The following EGFR variants were observed in gnomAD, a reference collection of about 807,000 sequenced individuals.
EGFR encodes the protein epidermal growth factor receptor.
A neutral mutation model predicts 143.0 loss-of-function variants in EGFR; 58 were observed. That is an observed-to-expected ratio of 0.41 (90% CI 0.33 to 0.50). The LOEUF (loss-of-function observed/expected upper bound fraction) is 0.50, where lower values mean the gene tolerates loss of function less well. EGFR is among the 20% of genes least tolerant of loss of function. The probability of loss-of-function intolerance (pLI) is 0.39; values close to 1 mark genes in which losing one functional copy is unlikely to be tolerated. For synonymous variants in EGFR, 613 were observed against 594.4 expected, an observed-to-expected ratio of 1.03 and a Z score of -0.45; for missense variants, 1,307 against 1,579.0, an observed-to-expected ratio of 0.83 and a Z score of 2.92.
rs1321440646 is a variant in EGFR, at chr7:55,210,151, TG to T, written c.*4535del. On this transcript the variant is annotated 3_prime_UTR_variant, in exon 28 of 28. Coordinates refer to ENST00000275493, the MANE Select transcript of EGFR (RefSeq NM_005228.5). ...AGTTGCATGCCATACTCTCATCATC[TG>T]CCAGTGTAACCCTGTACATGTAAGA... The T allele has an allele frequency of 6.6e-6, 1 of 152,276 alleles. No individual in the cohort carries two copies. Among genetic ancestry groups the T allele is most frequent in the African/African-American group, 2.4e-5 (1 of 41,476 alleles). The allele number at this position is 152,276 out of a possible 1,614,324, so 9.4% of individuals were successfully genotyped here.
chr7:55,045,218 G>C (rs558177388), intron 1 of EGFR, among the ~76,000 whole-genome samples: 1 of 152,272 alleles, frequency 6.6e-6, no homozygotes, highest in African/African-American at 2.4e-5. Context: ...ACTTCACTAA[G>C]ATTTAATAAA....
At chr7:55,044,465 G>A (rs1162780110) in intron 1 of EGFR, among the ~76,000 whole-genome samples, 1 of 152,200 alleles carries the variant, frequency 6.6e-6, no homozygotes, top group Non-Finnish European at 1.5e-5. Context: ...CTTCTGCCAG[G>A]CAGAGGTCAC....
chr7:55,023,667 A>AC (rs1382226153), intron 1 of EGFR, among the ~76,000 whole-genome samples: 2 of 151,878 alleles, frequency 1.3e-5, no homozygotes, highest in African/African-American at 4.8e-5. Flanking sequence ...AAAAAAAAAA[A>AC]AACAGATTCT....
chr7:55,071,548 C>T, intron 1 of EGFR, among the ~76,000 whole-genome samples: 1 of 152,250 alleles, frequency 6.6e-6, no homozygotes. Context: ...CCTTCACTGG[C>T]AGAATTGTGA....
chr7:55,088,054 A>AACACAC (rs3063038), intron 1 of EGFR, among the ~76,000 whole-genome samples: 139 of 150,750 alleles, frequency 9.2e-4, no homozygotes, highest in African/African-American at 2.2e-3. Flanking sequence ...TCAGGGTATA[A>AACACAC]ACACACACAC....
intron 1 of EGFR, among the ~76,000 whole-genome samples, chr7:55,135,405 G>T (rs6964647): frequency 0.085 from 12,890 of 151,882 alleles, 679 homozygotes; most frequent in Middle Eastern, 0.17. Context: ...GACTTTTTGA[G>T]TATCACATGT....
intron 6 of EGFR, 36 bp from the exon 7 acceptor site, chr7:55,153,975 A>G (rs750147123): frequency 6.2e-7 from 1 of 1,613,996 alleles, no homozygotes; most frequent in Non-Finnish European, 8.5e-7. Flanking sequence ...GAGTGTACTT[A>G]CCTCACTTGC....
intron 1 of EGFR, among the ~76,000 whole-genome samples, chr7:55,076,647 C>T (rs564384785): frequency 6.6e-6 from 1 of 152,292 alleles, no homozygotes; most frequent in South Asian, 2.1e-4. Context: ...TTTCAATGCT[C>T]ATTGCAATGA....
rs190437088 is a variant in EGFR, at chr7:55,070,388, T to A, written c.88+51023T>A. ...CTTTCATGCCTCAGCAAACCTCCAC[T>A]GCCTAAAATATAGTGAGGTCATTCA... On this transcript the variant is annotated intron_variant, in intron 1 of 27. Coordinates refer to ENST00000275493, the MANE Select transcript of EGFR (RefSeq NM_005228.5). Among the ~76,000 whole-genome samples, 3 of 152,348 alleles carry A rather than the reference T, an allele frequency of 2.0e-5. No individual in the cohort carries two copies. In the East Asian group the frequency reaches 5.8e-4, roughly 29 times the overall value.
intron 1 of EGFR, among the ~76,000 whole-genome samples, chr7:55,096,461 G>A (rs992038250): frequency 3.9e-5 from 6 of 152,108 alleles, no homozygotes; most frequent in South Asian, 2.1e-4. Flanking sequence ...CTATCTTTTC[G>A]GCTGCCTTGT....
chr7:55,173,698 A>C (rs796954167), intron 17 of EGFR, among the ~76,000 whole-genome samples: 17 of 152,390 alleles, frequency 1.1e-4, no homozygotes, highest in African/African-American at 4.1e-4. Context: ...GTAGCTGTTC[A>C]GTTAAAGAAC....
chr7:55,140,435 G>A (rs1794395758), intron 1 of EGFR, among the ~76,000 whole-genome samples: 1 of 152,166 alleles, frequency 6.6e-6, no homozygotes, highest in Non-Finnish European at 1.5e-5. Flanking sequence ...GAGAGTTAGA[G>A]GCCATAGTCT....
rs367750834 is a variant in EGFR at position 55,202,585 on chromosome 7, G to A, written c.3231G>A (p.Leu1077=). The change falls in exon 27 of 28, where the codon TTG becomes TTA. Residue 1077 remains leucine, a synonymous_variant. Coordinates refer to ENST00000275493, the MANE Select transcript of EGFR (RefSeq NM_005228.5). ...QRYSSDPTGA[L]TEDSIDDTFL... ...ACAGCTCAGACCCCACAGGCGCCTT[G>A]ACTGAGGACAGCATAGACGACACCT... The A allele has an allele frequency of 2.5e-6, 4 of 1,613,424 alleles. No individual in the cohort carries two copies. The African/African-American group carries it at 5.3e-5, about 22-fold the overall frequency.
At chr7:55,204,700 T>G (rs1417289569) in intron 27 of EGFR, among the ~76,000 whole-genome samples, 3 of 88,546 alleles carry the variant, frequency 3.4e-5, no homozygotes, top group Admixed American at 1.3e-4. Context: ...CAGACACACA[T>G]AGACACACCA....
chr7:55,155,771 G>T (rs890783674), intron 7 of EGFR, 59 bp from the exon 8 acceptor site: 1 of 1,409,076 alleles, frequency 7.1e-7, no homozygotes. Context: ...GACCGCCTGT[G>T]TGAGGCCCGA....
chr7:55,023,203 G>A (rs1786673728), intron 1 of EGFR, among the ~76,000 whole-genome samples: 1 of 152,192 alleles, frequency 6.6e-6, no homozygotes, highest in Admixed American at 6.5e-5. Context: ...CTGTGTGTCT[G>A]TGTGTGCGTG....
At chr7:55,099,338 A>G (rs913867779) in intron 1 of EGFR, among the ~76,000 whole-genome samples, 9 of 152,160 alleles carry the variant, frequency 5.9e-5, no homozygotes, top group Non-Finnish European at 1.3e-4. Flanking sequence ...ATTTTAGACC[A>G]TGAGATGGGT....
chr7:55,122,277 A>C (rs1793253173), intron 1 of EGFR, among the ~76,000 whole-genome samples: 2 of 152,164 alleles, frequency 1.3e-5, no homozygotes, highest in Admixed American at 6.5e-5. Context: ...GGCAGCTCCC[A>C]TCTGGTCTCA....
rs1788164169 is a variant in EGFR at position 55,208,542 on chromosome 7, C to G, written c.*2925C>G. On this transcript the variant is annotated 3_prime_UTR_variant, in exon 28 of 28. Coordinates refer to ENST00000275493, the MANE Select transcript of EGFR (RefSeq NM_005228.5). The stretch of plus-strand genomic sequence containing the variant: ...ATAGGTGCCGCCAGCCTTCGTGCAT[C>G]TTCTTGCATCATCTCTAAGGAGCTC... The G allele has an allele frequency of 6.6e-6, 1 of 152,244 alleles. No homozygotes were observed. Among genetic ancestry groups the G allele is most frequent in the Admixed American group, 6.5e-5 (1 of 15,282 alleles). 9.4% of individuals were successfully genotyped at this position (152,244 alleles called of 1,614,324 possible). A position where few individuals can be genotyped will look rare whatever the true frequency, so the allele number is the denominator to read the frequency against.
Sources: gnomAD v4.1 joint callset for allele counts (sites outside exome capture counted in the v4.1 genomes callset) on GRCh38, gnomAD v4.1.1 for gene constraint, MANE v1.5 for transcripts, NCBI Gene and HGNC (gene_info 2026-07-23, HGNC 2026-07-21) for gene names.